HADH: variants seen among roughly 807,000 people sequenced by gnomAD.
HADH encodes hydroxyacyl-CoA dehydrogenase.
In HADH, 24 loss-of-function variants were observed where a neutral mutation model predicts 32.2. The ratio of observed to expected loss-of-function variants is 0.75; its 90% confidence interval spans 0.54 to 1.05. HADH has a LOEUF of 1.05. Among genes scored for constraint, HADH ranks in the 50% least tolerant of loss-of-function variants. HADH has a pLI of 0.00. For missense variants in HADH, 350 were observed against 397.1 expected (o/e 0.88, Z 1.01); for synonymous variants, 139 against 152.5 (o/e 0.91, Z 0.65).
Position 108,027,732 on chromosome 4 carries a change from C to T in HADH, c.681C>T (p.Leu227=). ...FIVNRLLVPY[L]MEAIRLYERG... is the part of the protein sequence containing the mutation. ...TGAACCGCCTCCTGGTTCCATACCT[C>T]ATGGAAGCAATCAGGCTGTATGAAC... The change falls in exon 6 of 8, where the codon CTC becomes CTT. Residue 227 remains leucine, a synonymous_variant. Coordinates refer to ENST00000309522, the MANE Select transcript of HADH (RefSeq NM_005327.7). 1 of 1,608,720 alleles carries T rather than the reference C, an allele frequency of 6.2e-7. No homozygotes were observed. The highest frequency in any genetic ancestry group is 8.5e-7 in the Non-Finnish European group (1 of 1,175,090).
rs146419888 is a variant in HADH at position 108,005,457 on chromosome 4, T to C, written c.133-4302T>C. The C allele has an allele frequency of 3.3e-3, 522 of 158,018 alleles. 3 individuals are homozygous for C. Among genetic ancestry groups the C allele is most frequent in the Non-Finnish European group, 3.3e-3 (236 of 71,402 alleles). The allele number at this position is 158,018 out of a possible 1,614,324, so 9.8% of individuals were successfully genotyped here. A position where few individuals can be genotyped will look rare whatever the true frequency, so the allele number is the denominator to read the frequency against. On this transcript the variant is annotated intron_variant, in intron 1 of 7. Coordinates refer to ENST00000309522, the MANE Select transcript of HADH (RefSeq NM_005327.7). ...TGTTAGGACTTCGAATGCTAAAGAA[T>C]GGGGCCTCACAATGGTCAGTACAGT...
At chr4:108,002,203 G>A (rs1008693817) in intron 1 of HADH, among the ~76,000 whole-genome samples, 12 of 152,156 alleles carry the variant, frequency 7.9e-5, no homozygotes, top group South Asian at 2.1e-4. Flanking sequence ...ATTAGGAACC[G>A]GGCCACATAG....
chr4:108,024,668 T>C (rs1454300800), intron 5 of HADH: 1 of 152,214 alleles, frequency 6.6e-6, no homozygotes, highest in African/African-American at 2.4e-5. Context: ...ATATTAATAA[T>C]TGGATGTTAT....
At chr4:108,019,746 G>T (rs1049695404) in intron 4 of HADH, 80 bp downstream of exon 4, 2 of 1,523,974 alleles carry the variant, frequency 1.3e-6, no homozygotes, top group African/African-American at 2.7e-5. Context: ...CACCAGCCCT[G>T]CCACCAGTTG....
At chr4:108,005,497 T>C (rs992955081) in intron 1 of HADH, among the ~76,000 whole-genome samples, 2 of 152,226 alleles carry the variant, frequency 1.3e-5, no homozygotes, top group Non-Finnish European at 2.9e-5. Flanking sequence ...ATGTTGTAAA[T>C]GTGTGTGTTG....
chr4:107,998,777 G>A (rs1735029897), intron 1 of HADH, among the ~76,000 whole-genome samples: 1 of 152,058 alleles, frequency 6.6e-6, no homozygotes, highest in Non-Finnish European at 1.5e-5. Flanking sequence ...GAGATCAGAG[G>A]TTTTTAACAT....
At position 108,014,549 on chromosome 4, in the gene HADH, A is replaced by G. The variant is rs1735626197; in HGVS notation, c.380A>G (p.Lys127Arg). ...GCCATCGTGGAGAATCTGAAGGTGA[A>G]AAACGAGCTCTTCAAAAGGCTGGAC... Reference protein sequence around the residue: ...VEAIVENLKVKNELFKRLDKF... With the variant: ...VEAIVENLKVRNELFKRLDKF... Residue 127 changes from lysine to arginine, a missense_variant, in exon 3 of 8, where the codon AAA (lysine) becomes AGA (arginine). Physicochemically the swap from Lys to Arg is conservative, Grantham distance 26. Transcript: ENST00000309522. 1 of 1,614,092 alleles carries G rather than the reference A, an allele frequency of 6.2e-7. No homozygotes were observed. The highest frequency in any genetic ancestry group is 8.5e-7 in the Non-Finnish European group (1 of 1,179,996).
chr4:108,015,415 C>A (rs1367927517), intron 3 of HADH, among the ~76,000 whole-genome samples: 1 of 152,056 alleles, frequency 6.6e-6, no homozygotes, highest in African/African-American at 2.4e-5. Context: ...GTTTATTGAC[C>A]ACTAGTGTGT....
intron 6 of HADH, chr4:108,032,823 A>T (rs924883547): frequency 2.9e-6 from 1 of 345,884 alleles, no homozygotes; most frequent in Non-Finnish European, 5.5e-6. Flanking sequence ...CTCTACTAAA[A>T]ATATAAATAT....
In HADH at chr4:108,019,606, A is replaced by G. The variant is rs377521547; in HGVS notation, c.486A>G (p.Arg162=). The G allele has an allele frequency of 3.5e-5, 56 of 1,613,982 alleles. No individual in the cohort carries two copies. Among genetic ancestry groups the G allele is most frequent in the Non-Finnish European group, 4.7e-5 (56 of 1,179,978 alleles). Residue 162 remains arginine, a synonymous_variant, in exon 4 of 8, where the codon AGA becomes AGG. Coordinates refer to ENST00000309522, the MANE Select transcript of HADH (RefSeq NM_005327.7). ...CAAGCATAGCTAATGCCACCACCAGACAAGACCGATTCGCTGGCCTCCATT... is the reference window on the plus strand; with the variant it reads ...CAAGCATAGCTAATGCCACCACCAGGCAAGACCGATTCGCTGGCCTCCATT... The part of the protein sequence containing the change: ...QITSIANATT[R]QDRFAGLHFF...
At chr4:107,995,809 A>C (rs903271456) in intron 1 of HADH, among the ~76,000 whole-genome samples, 4 of 152,080 alleles carry the variant, frequency 2.6e-5, no homozygotes, top group South Asian at 4.1e-4. Flanking sequence ...TGTGGGGAGA[A>C]GTGTGGCATC....
intron 4 of HADH, among the ~76,000 whole-genome samples, chr4:108,022,994 CTTTTT>C (rs11335135): frequency 8.5e-6 from 1 of 118,334 alleles, no homozygotes; most frequent in Non-Finnish European, 1.9e-5. Context: ...ACACTGTTGT[CTTTTT>C]TTTTTTTTTT....
At chr4:108,032,807 C>A (rs1464461596) in intron 6 of HADH, 6 of 338,712 alleles carry the variant, frequency 1.8e-5, no homozygotes, top group African/African-American at 6.4e-5. Context: ...AATGGTGAAA[C>A]CCTATCTCTA....
chr4:108,031,433 C>T (rs774461872), intron 6 of HADH: 5 of 152,300 alleles, frequency 3.3e-5, no homozygotes, highest in Admixed American at 1.3e-4. Flanking sequence ...TTCCAGGGCT[C>T]TACCAGCACA....
chr4:108,000,393 A>G (rs1021156925), intron 1 of HADH, among the ~76,000 whole-genome samples: 3 of 152,176 alleles, frequency 2.0e-5, no homozygotes, highest in Non-Finnish European at 4.4e-5. Flanking sequence ...GATTTCTCCT[A>G]TGCTCTGGTT....
At position 108,004,814 on chromosome 4, in the gene HADH, T is replaced by C. The variant is rs751717205; in HGVS notation, c.133-4945T>C. ...TTAGGAGTTACTACACTTCAAGACC[T>C]GGGTGTCTGCTGGAGGAAGGAACAT... On this transcript the variant is annotated intron_variant, in intron 1 of 7. Transcript: ENST00000309522. The C allele has an allele frequency of 7.9e-5, 122 of 1,535,776 alleles. No individual in the cohort carries two copies. The highest frequency in any genetic ancestry group is 1.0e-4 in the Non-Finnish European group (115 of 1,146,718).
In HADH at chr4:108,027,757, C is replaced by G. The variant is rs375717077; in HGVS notation, c.706C>G (p.Arg236Gly). Residue 236 changes from arginine to glycine, a missense_variant, in exon 6 of 8, where the codon CGA becomes GGA. Coordinates refer to ENST00000309522, the MANE Select transcript of HADH (RefSeq NM_005327.7). ...YLMEAIRLYE[R>G]GDASKEDIDT... ...CATGGAAGCAATCAGGCTGTATGAA[C>G]GAGGTATCCTTCTGACCCAGGCCAG... The G allele has an allele frequency of 6.3e-7, 1 of 1,589,620 alleles. No homozygotes were observed. Among genetic ancestry groups the G allele is most frequent in the South Asian group, 1.1e-5 (1 of 90,594 alleles).
At chr4:108,007,960 A>AT (rs1411284059) in intron 1 of HADH, among the ~76,000 whole-genome samples, 1 of 152,182 alleles carries the variant, frequency 6.6e-6, no homozygotes, top group African/African-American at 2.4e-5. Context: ...GCACTTTTAG[A>AT]TTGGGTTGAT....
intron 1 of HADH, chr4:108,004,872 T>C: frequency 6.5e-7 from 1 of 1,535,968 alleles, no homozygotes; most frequent in South Asian, 1.2e-5. Context: ...TTGGGAGAGC[T>C]GAGCTTGGAG....
Sources: gnomAD v4.1 joint callset for allele counts (sites outside exome capture counted in the v4.1 genomes callset) on GRCh38, gnomAD v4.1.1 for gene constraint, MANE v1.5 for transcripts, NCBI Gene and HGNC (gene_info 2026-07-23, HGNC 2026-07-21) for gene names.